The following NRXN3 variants were observed in gnomAD, a reference collection of about 807,000 sequenced individuals.
The protein encoded by NRXN3 is neurexin III.
NRXN3 carries 32 observed loss-of-function variants against 137.6 expected under a neutral mutation model. The ratio of observed to expected loss-of-function variants is 0.23; its 90% CI spans 0.18 to 0.31. NRXN3 has a LOEUF of 0.31. Among genes scored for constraint, NRXN3 ranks in the 10% least tolerant of loss-of-function variants. NRXN3 has a pLI of 1.00. For missense variants in NRXN3, 1,574 were observed against 2,062.5 expected (o/e 0.76, Z 4.59); for synonymous variants, 798 against 784.5 (o/e 1.02, Z -0.29).
chr14:79,259,634 T>C (rs1434726593), intron 15 of NRXN3, among the ~76,000 whole-genome samples: 1 of 148,210 alleles, frequency 6.7e-6, no homozygotes, highest in East Asian at 1.9e-4. Flanking sequence ...TATATAGCTA[T>C]ATATATAGTT....
At position 78,876,965 on chromosome 14, in the gene NRXN3, T is replaced by C. The variant is rs371559530; in HGVS notation, c.2275+66621T>C. Among the ~76,000 whole-genome samples, 17 of 152,330 alleles carry C rather than the reference T, an allele frequency of 1.1e-4. No homozygotes were observed. The East Asian group carries it at 2.3e-3, about 21-fold the overall frequency. Reference sequence around the variant, plus strand: ...AGCCTAGCAAATCATTGTTTTCTACTGGTCTACTATTTGTGGATATTTCTA... The same window carrying C: ...AGCCTAGCAAATCATTGTTTTCTACCGGTCTACTATTTGTGGATATTTCTA... On this transcript the variant is annotated intron_variant, in intron 10 of 20. Coordinates refer to ENST00000335750, the MANE Select transcript of NRXN3 (RefSeq NM_001330195.2).
chr14:78,700,960 C>G (rs572368432), intron 6 of NRXN3, among the ~76,000 whole-genome samples: 2 of 152,098 alleles, frequency 1.3e-5, no homozygotes, highest in South Asian at 4.2e-4. Context: ...TTAGTAGGGA[C>G]GGGGTTTCAC....
intron 1 of NRXN3, among the ~76,000 whole-genome samples, chr14:78,223,981 C>A (rs2064164209): frequency 6.6e-6 from 1 of 152,122 alleles, no homozygotes; most frequent in Admixed American, 6.6e-5. Flanking sequence ...AAGCCCGGGC[C>A]CCTCTCCTAT....
chr14:79,299,198 A>G (rs564973946), intron 15 of NRXN3, among the ~76,000 whole-genome samples: 41 of 152,300 alleles, frequency 2.7e-4, no homozygotes, highest in African/African-American at 9.6e-4. Flanking sequence ...ACCATCCTAT[A>G]AGATTTAAGC....
In NRXN3 at chr14:79,438,240, C is replaced by T. The variant is rs369893009; in HGVS notation, c.3263-28981C>T. ...TGCTTCCTTATCAATCATTTGCCCT[C>T]GAATCCATGTCTTAGGATCTGCTTA... On this transcript the variant is annotated intron_variant, in intron 15 of 20. Transcript: ENST00000335750. Among the ~76,000 whole-genome samples the T allele has an allele frequency of 3.1e-4, 47 of 152,252 alleles. 1 individual carries two copies. The highest frequency in any genetic ancestry group is 1.0e-3 in the African/African-American group (42 of 41,546).
intron 17 of NRXN3, among the ~76,000 whole-genome samples, chr14:79,683,143 GAGCCAGTCAGA>G (rs2098679045): frequency 6.6e-6 from 1 of 152,098 alleles, no homozygotes; most frequent in South Asian, 2.1e-4. Context: ...TAATTAACAG[GAGCCAGTCAGA>G]ATAGAAAACT....
intron 16 of NRXN3, among the ~76,000 whole-genome samples, chr14:79,557,015 C>A (rs182083397): frequency 6.0e-5 from 9 of 150,308 alleles, no homozygotes; most frequent in African/African-American, 2.2e-4. Flanking sequence ...AACATCCACA[C>A]AATTAGCAAA....
chr14:78,947,221 C>T (rs950329792), intron 10 of NRXN3, among the ~76,000 whole-genome samples: 2 of 152,154 alleles, frequency 1.3e-5, no homozygotes, highest in African/African-American at 4.8e-5. Flanking sequence ...CAGCTAATGC[C>T]ATCAAGCTCA....
intron 15 of NRXN3, among the ~76,000 whole-genome samples, chr14:79,006,093 T>C (rs977155525): frequency 5.3e-5 from 8 of 152,184 alleles, no homozygotes; most frequent in Non-Finnish European, 8.8e-5. Flanking sequence ...TGCCCAAAGA[T>C]ATGCCTTAGA....
At chr14:79,849,618 A>T (rs566599519) in intron 20 of NRXN3, among the ~76,000 whole-genome samples, 2 of 152,178 alleles carry the variant, frequency 1.3e-5, no homozygotes, top group African/African-American at 4.8e-5. Flanking sequence ...TGTGTCGATG[A>T]GAGTGTGGAG....
intron 15 of NRXN3, among the ~76,000 whole-genome samples, chr14:79,019,031 G>A (rs1459301735): frequency 1.3e-5 from 2 of 151,992 alleles, no homozygotes; most frequent in Non-Finnish European, 2.9e-5. Flanking sequence ...AGCTGGAAAC[G>A]TTTTTTTCTT....
intron 19 of NRXN3, chr14:79,791,362 C>T (rs1246053373): frequency 1.3e-5 from 2 of 151,440 alleles, no homozygotes; most frequent in African/African-American, 4.8e-5. Flanking sequence ...AGACAGGATA[C>T]ATTTTCTTAA....
At chr14:78,771,544 T>C (rs1595708814) in intron 8 of NRXN3, among the ~76,000 whole-genome samples, 2 of 152,086 alleles carry the variant, frequency 1.3e-5, no homozygotes, top group African/African-American at 2.4e-5. Context: ...ATGGTCAGAA[T>C]TGGGGAGGTA....
chr14:78,996,740 C>T (rs77081136), intron 15 of NRXN3, among the ~76,000 whole-genome samples: 5,871 of 152,092 alleles, frequency 0.039, 323 homozygotes, highest in African/African-American at 0.12. Context: ...CTGAGAGGGG[C>T]AGCATAGCTC....
intron 6 of NRXN3, among the ~76,000 whole-genome samples, chr14:78,664,211 T>C (rs2097863056): frequency 6.6e-6 from 1 of 152,180 alleles, no homozygotes; most frequent in Admixed American, 6.6e-5. Context: ...TCATACTTTG[T>C]AGGGAAAATA....
chr14:78,998,179 C>G (rs1165883065), intron 15 of NRXN3, among the ~76,000 whole-genome samples: 1 of 152,110 alleles, frequency 6.6e-6, no homozygotes, highest in Non-Finnish European at 1.5e-5. Flanking sequence ...GTCATTTTCC[C>G]GGTTATATCA....
At chr14:79,742,346 A>T (rs1475799393) in intron 19 of NRXN3, among the ~76,000 whole-genome samples, 2 of 152,160 alleles carry the variant, frequency 1.3e-5, no homozygotes, top group Non-Finnish European at 2.9e-5. Flanking sequence ...ACCTCGATTC[A>T]TTTGCTGCAT....
At chr14:79,680,932 C>T (rs1421399244) in intron 17 of NRXN3, among the ~76,000 whole-genome samples, 1 of 152,114 alleles carries the variant, frequency 6.6e-6, no homozygotes, top group African/African-American at 2.4e-5. Context: ...GAGTCAATCC[C>T]CACCTCATTC....
chr14:78,174,550 G>A (rs572333765), intron 1 of NRXN3, among the ~76,000 whole-genome samples: 106 of 152,286 alleles, frequency 7.0e-4, no homozygotes, highest in Admixed American at 1.3e-3. Context: ...GCACCAGCGT[G>A]CCTCCAATTG....
Sources: gnomAD v4.1 joint callset for allele counts (sites outside exome capture counted in the v4.1 genomes callset) on GRCh38, gnomAD v4.1.1 for gene constraint, MANE v1.5 for transcripts, NCBI Gene and HGNC (gene_info 2026-07-23, HGNC 2026-07-21) for gene names.